CSGALNACT1: variants seen among roughly 807,000 people sequenced by gnomAD.
The protein encoded by CSGALNACT1 is chondroitin sulfate N-acetylgalactosaminyltransferase 1, also known as beta4GalNAcT-1.
CSGALNACT1 carries 52 observed loss-of-function variants against 51.0 expected under a neutral mutation model. The observed-to-expected ratio is 1.02, with a 90% CI of 0.82 to 1.29. CSGALNACT1 has a LOEUF of 1.29. CSGALNACT1 is among the 50% of genes most tolerant of loss of function. The pLI, the probability that CSGALNACT1 is intolerant of heterozygous loss-of-function variation, is 0.00. For synonymous variants in CSGALNACT1, 341 were observed against 254.4 expected (o/e 1.34, Z -3.24); for missense variants, 935 against 679.2 (o/e 1.38, Z -4.19).
At chr8:19,619,394 T>A (rs1477728340) in intron 1 of CSGALNACT1, among the ~76,000 whole-genome samples, 1 of 152,098 alleles carries the variant, frequency 6.6e-6, no homozygotes, top group African/African-American at 2.4e-5. Context: ...TGGGAACCTC[T>A]GCGAAGGGAT....
At chr8:19,608,213 C>A (rs1227012813) in intron 1 of CSGALNACT1, among the ~76,000 whole-genome samples, 1 of 152,170 alleles carries the variant, frequency 6.6e-6, no homozygotes, top group Non-Finnish European at 1.5e-5. Flanking sequence ...AAGAATAGCT[C>A]GTCTAGGATG....
chr8:19,474,570 T>C (rs2068969090), intron 4 of CSGALNACT1, among the ~76,000 whole-genome samples: 1 of 151,966 alleles, frequency 6.6e-6, no homozygotes, highest in African/African-American at 2.4e-5. Context: ...CAAGGACCCA[T>C]CAATAAGCAC....
chr8:19,622,862 T>C (rs903119499), intron 1 of CSGALNACT1, among the ~76,000 whole-genome samples: 2 of 152,118 alleles, frequency 1.3e-5, no homozygotes, highest in Admixed American at 6.5e-5. Context: ...AGATGGTAGA[T>C]TGAAAGCTAA....
At chr8:19,490,259 G>A (rs1017504135) in intron 4 of CSGALNACT1, among the ~76,000 whole-genome samples, 6 of 152,166 alleles carry the variant, frequency 3.9e-5, no homozygotes, top group Non-Finnish European at 7.3e-5. Context: ...ACGAGAAGCT[G>A]CTTCTGCGAC....
chr8:19,412,571 C>T (rs1157908031), intron 8 of CSGALNACT1, among the ~76,000 whole-genome samples: 22 of 152,202 alleles, frequency 1.4e-4, no homozygotes, highest in Admixed American at 1.4e-3. Flanking sequence ...AGCACTGAGG[C>T]TGCGTCTGGT....
chr8:19,516,700 C>A (rs1032759584), intron 3 of CSGALNACT1, among the ~76,000 whole-genome samples: 7 of 152,210 alleles, frequency 4.6e-5, no homozygotes, highest in African/African-American at 1.4e-4. Context: ...TTCCACCAGA[C>A]CCTCCAGCCG....
intron 1 of CSGALNACT1, among the ~76,000 whole-genome samples, chr8:19,664,755 T>C (rs1246131281): frequency 6.6e-6 from 1 of 152,150 alleles, no homozygotes; most frequent in Non-Finnish European, 1.5e-5. Flanking sequence ...TAGTTGGAAC[T>C]GGAGGTAATT....
At chr8:19,530,646 G>A (rs955758942) in intron 3 of CSGALNACT1, among the ~76,000 whole-genome samples, 1 of 152,122 alleles carries the variant, frequency 6.6e-6, no homozygotes, top group African/African-American at 2.4e-5. Context: ...CTGGAGGATC[G>A]CTTGAACCCA....
intron 1 of CSGALNACT1, among the ~76,000 whole-genome samples, chr8:19,726,807 G>C (rs1223771926): frequency 4.1e-4 from 62 of 152,102 alleles, no homozygotes; most frequent in Non-Finnish European, 1.5e-4. Context: ...ATCATTAGTG[G>C]CAAACAACAG....
chr8:19,614,104 ATC>A (rs2052668365), intron 1 of CSGALNACT1, among the ~76,000 whole-genome samples: 1 of 152,208 alleles, frequency 6.6e-6, no homozygotes, highest in Admixed American at 6.5e-5. Context: ...GTTCTTTGAA[ATC>A]TGTCACATTT....
chr8:19,599,413 AAAGG>A (rs1242872439), intron 2 of CSGALNACT1, among the ~76,000 whole-genome samples: 6 of 146,926 alleles, frequency 4.1e-5, no homozygotes, highest in South Asian at 2.1e-4. Flanking sequence ...AAAAGGAAAG[AAAGG>A]AAGGAAGGAA....
intron 1 of CSGALNACT1, among the ~76,000 whole-genome samples, chr8:19,626,970 C>T (rs989724900): frequency 1.3e-5 from 2 of 152,168 alleles, no homozygotes; most frequent in African/African-American, 2.4e-5. Flanking sequence ...GTGAAATGTA[C>T]AACCACTAAC....
chr8:19,420,613 C>G (rs999256482), intron 6 of CSGALNACT1, 95 bp from the exon 6 acceptor site: 8 of 1,347,028 alleles, frequency 5.9e-6, no homozygotes, highest in Non-Finnish European at 8.5e-6. Context: ...ACATCTTGAC[C>G]CATTTCTTTT....
chr8:19,510,028 G>A (rs1407330775), intron 3 of CSGALNACT1, among the ~76,000 whole-genome samples: 1 of 152,138 alleles, frequency 6.6e-6, no homozygotes, highest in Non-Finnish European at 1.5e-5. Context: ...CCTGGAAGAA[G>A]GGAGATACAT....
rs117428160 is a variant in CSGALNACT1, at chr8:19,740,537, G to C, written c.-297+17313C>G. Among the ~76,000 whole-genome samples the C allele has an allele frequency of 4.8e-4, 73 of 152,354 alleles. 4 individuals carry two copies. The East Asian group carries it at 0.013, about 27-fold the overall frequency. On this transcript the variant is annotated intron_variant, in intron 1 of 1. Transcript: ENST00000517494. Reference sequence around the variant, plus strand: ...GAGTGAGGAGGATTTTCAAGAGCTTGAGCCTGGTGTTTGGATATTTCATTT... The same window carrying C: ...GAGTGAGGAGGATTTTCAAGAGCTTCAGCCTGGTGTTTGGATATTTCATTT...
chr8:19,473,549 T>G (rs980899513), intron 4 of CSGALNACT1, among the ~76,000 whole-genome samples: 1 of 152,230 alleles, frequency 6.6e-6, no homozygotes, highest in Non-Finnish European at 1.5e-5. Flanking sequence ...GCTTCACCAC[T>G]GACTTTCTAC....
chr8:19,681,022 C>T (rs545691934), intron 1 of CSGALNACT1, among the ~76,000 whole-genome samples: 1 of 152,206 alleles, frequency 6.6e-6, no homozygotes, highest in African/African-American at 2.4e-5. Context: ...GTGTAGGTTA[C>T]ACACCAATAC....
intron 1 of CSGALNACT1, among the ~76,000 whole-genome samples, chr8:19,664,674 T>C (rs915774780): frequency 2.6e-4 from 40 of 151,494 alleles, no homozygotes; most frequent in Admixed American, 7.9e-4. Flanking sequence ...CATACACACA[T>C]ACACACATAT....
chr8:19,677,177 C>T (rs911793157), intron 1 of CSGALNACT1, among the ~76,000 whole-genome samples: 4 of 152,060 alleles, frequency 2.6e-5, no homozygotes, highest in Non-Finnish European at 5.9e-5. Context: ...CTTATAATCT[C>T]TACTCACTGC....
Sources: gnomAD v4.1 joint callset for allele counts (sites outside exome capture counted in the v4.1 genomes callset) on GRCh38, gnomAD v4.1.1 for gene constraint, MANE v1.5 for transcripts, NCBI Gene and HGNC (gene_info 2026-07-23, HGNC 2026-07-21) for gene names.